The following CACNA2D3 variants were observed in gnomAD, a reference collection of about 807,000 sequenced individuals.
CACNA2D3 encodes the protein calcium voltage-gated channel auxiliary subunit alpha2delta 3.
A neutral mutation model predicts 160.6 loss-of-function variants in CACNA2D3; 60 were observed. The observed-to-expected ratio is 0.37, with a 90% confidence interval of 0.30 to 0.46. CACNA2D3 has a LOEUF of 0.46. Among genes scored for constraint, CACNA2D3 ranks in the 20% least tolerant of loss-of-function variants. The probability of loss-of-function intolerance (pLI) is 1.00; values close to 1 mark genes in which losing one functional copy is unlikely to be tolerated. For missense variants in CACNA2D3, 1,205 were observed against 1,365.0 expected (o/e 0.88, Z 1.85); for synonymous variants, 558 against 492.9 (o/e 1.13, Z -1.75).
At chr3:54,454,893 A>G (rs1575464032) in intron 4 of CACNA2D3, among the ~76,000 whole-genome samples, 1 of 152,022 alleles carries the variant, frequency 6.6e-6, no homozygotes, top group East Asian at 1.9e-4. Flanking sequence ...AATGTCCTTC[A>G]GGCTCATCCA....
chr3:54,527,733 C>T (rs997991131), intron 5 of CACNA2D3, among the ~76,000 whole-genome samples: 3 of 152,148 alleles, frequency 2.0e-5, no homozygotes, highest in Non-Finnish European at 4.4e-5. Flanking sequence ...GATGAATGCC[C>T]TCCAACTGTG....
intron 4 of CACNA2D3, among the ~76,000 whole-genome samples, chr3:54,483,964 A>G (rs1309221140): frequency 1.3e-5 from 2 of 152,224 alleles, no homozygotes; most frequent in African/African-American, 4.8e-5. Flanking sequence ...CACCTGGAGT[A>G]AGCACTGAAA....
At chr3:54,292,424 A>T (rs979973728) in intron 2 of CACNA2D3, among the ~76,000 whole-genome samples, 23 of 152,218 alleles carry the variant, frequency 1.5e-4, no homozygotes, top group Non-Finnish European at 2.9e-5. Context: ...TTTAGAAATT[A>T]TATCTGATAA....
intron 11 of CACNA2D3, among the ~76,000 whole-genome samples, chr3:54,723,573 A>C (rs1398382188): frequency 6.6e-6 from 1 of 152,212 alleles, no homozygotes; most frequent in East Asian, 1.9e-4. Context: ...TCATAGGACA[A>C]GCACAGTTTC....
In CACNA2D3 at chr3:54,647,517, C is replaced by G. The variant is rs201011276; in HGVS notation, c.1167+5276C>G. Among the ~76,000 whole-genome samples the G allele has an allele frequency of 2.6e-5, 4 of 152,182 alleles. No individual in the cohort carries two copies. The East Asian group carries it at 7.7e-4, about 29-fold the overall frequency. On this transcript the variant is annotated intron_variant, in intron 11 of 37. Transcript: ENST00000474759. ...GTTCTCCTCTCCATGGGCTTTCTCT[C>G]CACGTGGTGTCTCATCTTCCAAGGC...
chr3:54,397,330 G>A (rs1189696369), intron 4 of CACNA2D3, among the ~76,000 whole-genome samples: 1 of 62,636 alleles, frequency 1.6e-5, no homozygotes, highest in African/African-American at 6.8e-5. Flanking sequence ...GTTCTGCTCT[G>A]ATTTTAGTTA....
chr3:54,389,838 TGATCCTGAACTG>T (rs1699250598), intron 4 of CACNA2D3, among the ~76,000 whole-genome samples: 1 of 152,248 alleles, frequency 6.6e-6, no homozygotes, highest in South Asian at 2.1e-4. Context: ...ATGCAATGTG[TGATCCTGAACTG>T]GATCCTGAAC....
intron 30 of CACNA2D3, among the ~76,000 whole-genome samples, chr3:54,985,473 C>A (rs1048026452): frequency 1.3e-5 from 2 of 152,112 alleles, no homozygotes; most frequent in African/African-American, 4.8e-5. Context: ...AATAAAGTAA[C>A]GCCATCACAG....
chr3:54,471,701 A>C (rs1278965793), intron 4 of CACNA2D3, among the ~76,000 whole-genome samples: 2 of 152,180 alleles, frequency 1.3e-5, no homozygotes, highest in Non-Finnish European at 2.9e-5. Context: ...AGACATAATA[A>C]AAAATAATAA....
intron 35 of CACNA2D3, among the ~76,000 whole-genome samples, chr3:55,060,637 T>A (rs1411260321): frequency 6.6e-6 from 1 of 152,206 alleles, no homozygotes; most frequent in Non-Finnish European, 1.5e-5. Context: ...TAGCTATTAT[T>A]GTCATTATTT....
chr3:54,731,438 T>A (rs761985797), intron 11 of CACNA2D3, among the ~76,000 whole-genome samples: 8 of 152,198 alleles, frequency 5.3e-5, no homozygotes, highest in Non-Finnish European at 8.8e-5. Flanking sequence ...AAGTTGTTGA[T>A]GACCACTTGT....
chr3:54,422,620 AAATT>A (rs1699854679), intron 4 of CACNA2D3, among the ~76,000 whole-genome samples: 1 of 152,216 alleles, frequency 6.6e-6, no homozygotes, highest in Non-Finnish European at 1.5e-5. Context: ...AGGGAAAAGT[AAATT>A]AAGGCAGCAC....
At chr3:54,192,515 G>C (rs894126947) in intron 2 of CACNA2D3, among the ~76,000 whole-genome samples, 4 of 152,318 alleles carry the variant, frequency 2.6e-5, no homozygotes, top group East Asian at 3.9e-4. Flanking sequence ...GGGGAAGATA[G>C]TTGTCCACAG....
At chr3:54,713,338 C>G (rs562256984) in intron 11 of CACNA2D3, among the ~76,000 whole-genome samples, 3 of 152,114 alleles carry the variant, frequency 2.0e-5, no homozygotes, top group Admixed American at 6.5e-5. Context: ...CCACAGAAAA[C>G]GTGTGGTTTG....
chr3:54,339,904 A>T (rs1704476677), intron 3 of CACNA2D3, among the ~76,000 whole-genome samples: 1 of 152,182 alleles, frequency 6.6e-6, no homozygotes, highest in Non-Finnish European at 1.5e-5. Context: ...TTGTGACTTT[A>T]AAGAGTAAAT....
At chr3:54,957,202 C>T (rs1217043787) in intron 27 of CACNA2D3, among the ~76,000 whole-genome samples, 1 of 151,446 alleles carries the variant, frequency 6.6e-6, no homozygotes, top group Admixed American at 6.6e-5. Flanking sequence ...TTCTGTCCCC[C>T]AGGCTGGAGT....
At chr3:54,724,802 C>T (rs1467132358) in intron 11 of CACNA2D3, among the ~76,000 whole-genome samples, 1 of 152,034 alleles carries the variant, frequency 6.6e-6, no homozygotes, top group African/African-American at 2.4e-5. Flanking sequence ...GCATTAAATG[C>T]CCACAAGAGA....
chr3:54,501,536 A>G (rs1701294005), intron 4 of CACNA2D3, among the ~76,000 whole-genome samples: 1 of 151,382 alleles, frequency 6.6e-6, no homozygotes, highest in South Asian at 2.1e-4. Context: ...CCTCCTAAGT[A>G]GCTGGGACTA....
chr3:54,707,550 T>A (rs1324917204), intron 11 of CACNA2D3, among the ~76,000 whole-genome samples: 1 of 152,114 alleles, frequency 6.6e-6, no homozygotes, highest in Non-Finnish European at 1.5e-5. Context: ...CAGATTGACA[T>A]TGGTTTTGTT....
Sources: allele counts gnomAD v4.1 joint callset (sites outside exome capture counted in the v4.1 genomes callset), GRCh38; gene constraint gnomAD v4.1.1; transcripts MANE v1.5; gene names NCBI Gene and HGNC (gene_info 2026-07-23, HGNC 2026-07-21).